PHEX: variants seen among roughly 807,000 people sequenced by gnomAD.
PHEX encodes phosphate regulating endopeptidase X-linked.
In PHEX, 16 loss-of-function variants were observed where a neutral mutation model predicts 68.0. That is an observed-to-expected ratio of 0.24 (90% CI 0.16 to 0.36). The LOEUF is 0.36. Ranked by LOEUF, PHEX falls within the 10% of genes least tolerant of loss-of-function variation. PHEX has a pLI of 1.00. For synonymous variants in PHEX, 208 were observed against 205.1 expected (o/e 1.01, Z -0.12); for missense variants, 480 against 575.5 (o/e 0.83, Z 1.70).
rs756827352 is a variant in PHEX, at chrX:22,170,071, G to A, written c.1482+1682G>A. 8.9e-5 allele frequency among the ~76,000 whole-genome samples: 10 copies of A among 112,038 alleles called. No individual in the cohort carries two copies. In the East Asian group the frequency reaches 2.0e-3, roughly 22 times the overall value. ...ATCCTTAATAGAAATAGACTCAAGC[G>A]TGAATTTCTACCAATTTTGGAAATA... is the stretch of plus-strand genomic sequence containing the variant. On this transcript the variant is annotated intron_variant, in intron 13 of 21. Coordinates refer to ENST00000379374, the MANE Select transcript of PHEX (RefSeq NM_000444.6).
At chrX:22,200,517 G>A (rs1382255913) in intron 15 of PHEX, among the ~76,000 whole-genome samples, 2 of 111,282 alleles carry the variant, frequency 1.8e-5, no homozygotes, top group South Asian at 3.8e-4. Flanking sequence ...GCTGAGGCAC[G>A]AGAATCACTT....
rs182682045 is a variant in PHEX, at chrX:22,152,172, G to A, written c.1405-16140G>A. Among the ~76,000 whole-genome samples the A allele has an allele frequency of 2.8e-4, 31 of 111,456 alleles. 1 individual carries two copies. Among genetic ancestry groups the A allele is most frequent in the African/African-American group, 9.8e-4 (30 of 30,759 alleles). On this transcript the variant is annotated intron_variant, in intron 12 of 21. Coordinates refer to ENST00000379374, the MANE Select transcript of PHEX (RefSeq NM_000444.6). ...TGAGAAGTTGGTTTTGGCCCTCATT[G>A]CCTGTGTAGACTTGGGGTGAGTTGC... is the stretch of plus-strand genomic sequence containing the variant.
intron 8 of PHEX, 37 bp downstream of exon 8, chrX:22,097,075 C>A: frequency 2.1e-6 from 2 of 953,998 alleles, no homozygotes; most frequent in Non-Finnish European, 1.5e-6. Flanking sequence ...TCTCTCAACT[C>A]ATCATTTTAG....
chrX:22,190,296 A>G (rs770666775), intron 14 of PHEX, 148 bp from the exon 15 acceptor site: 40 of 554,544 alleles, frequency 7.2e-5, no homozygotes, highest in Non-Finnish European at 1.3e-4. Flanking sequence ...CAGTAGCCCC[A>G]AACTGAGGGA....
chrX:22,227,477 G>C (rs1209838926), intron 19 of PHEX, 30 bp from the exon 20 acceptor site: 1 of 1,030,347 alleles, frequency 9.7e-7, no homozygotes, highest in African/African-American at 1.9e-5. Context: ...CACCGTTGCA[G>C]AGACTCATCT....
intron 7 of PHEX, among the ~76,000 whole-genome samples, chrX:22,095,526 G>T (rs1390414600): frequency 2.7e-5 from 3 of 112,397 alleles, no homozygotes; most frequent in African/African-American, 9.7e-5. Context: ...TGAGGCCAAA[G>T]GGCTCCAACT....
chrX:22,116,442 G>A (rs1018376445), intron 11 of PHEX, among the ~76,000 whole-genome samples: 1 of 111,535 alleles, frequency 9.0e-6, no homozygotes, highest in Admixed American at 9.6e-5. Flanking sequence ...ATAATAATCC[G>A]TGTAGTCAAT....
At chrX:22,210,254 A>G (rs756728352) in intron 15 of PHEX, among the ~76,000 whole-genome samples, 15 of 112,077 alleles carry the variant, frequency 1.3e-4, no homozygotes, top group Non-Finnish European at 2.3e-4. Flanking sequence ...CTTGGCCCCA[A>G]CAAGCTCAGC....
At chrX:22,041,259 CTCTCTCTATA>C (rs1446770282) in intron 2 of PHEX, among the ~76,000 whole-genome samples, 1 of 65,735 alleles carries the variant, frequency 1.5e-5, no homozygotes, top group African/African-American at 7.1e-5. Context: ...CTCTCTCTCT[CTCTCTCTATA>C]TATATATATA....
Position 22,114,466 on chromosome X carries a change from G to A in PHEX, c.1182G>A (p.Gln394=), listed in dbSNP as rs774598902. The change falls in exon 11 of 22, where the codon CAG becomes CAA. Residue 394 remains glutamine (Q), a synonymous_variant. Transcript: ENST00000379374. Reference sequence around the variant, plus strand: ...TCAATTATCTCCCACAGGTAATCCAGGGGACCACAACTTTGCTGCCTCAAT... The same window carrying A: ...TCAATTATCTCCCACAGGTAATCCAAGGGACCACAACTTTGCTGCCTCAAT... ...YRWLEFSRVI[Q]GTTTLLPQWD... 8.3e-7 allele frequency: 1 copy of A among 1,204,198 alleles called. No individual in the cohort carries two copies. Among genetic ancestry groups the A allele is most frequent in the Non-Finnish European group, 1.1e-6 (1 of 888,785 alleles).
intron 20 of PHEX, among the ~76,000 whole-genome samples, chrX:22,233,168 A>C (rs1935828469): frequency 8.9e-6 from 1 of 112,222 alleles, no homozygotes; most frequent in Non-Finnish European, 1.9e-5. Flanking sequence ...GTGCTGAGAG[A>C]GATCCACTGT....
chrX:22,182,922 T>G (rs1933923247), intron 14 of PHEX, among the ~76,000 whole-genome samples: 1 of 112,097 alleles, frequency 8.9e-6, no homozygotes, highest in African/African-American at 3.2e-5. Flanking sequence ...AATATTAAAT[T>G]TTGTTTAATT....
At chrX:22,179,510 C>T (rs1172468087) in intron 14 of PHEX, among the ~76,000 whole-genome samples, 2 of 106,173 alleles carry the variant, frequency 1.9e-5, no homozygotes, top group Non-Finnish European at 3.9e-5. Context: ...TCTCTAAAGT[C>T]CACTGTATCA....
intron 15 of PHEX, among the ~76,000 whole-genome samples, chrX:22,206,183 T>C (rs1166605379): frequency 8.9e-6 from 1 of 112,279 alleles, no homozygotes; most frequent in Non-Finnish European, 1.9e-5. Context: ...ACTTGAATAA[T>C]GGGATGTATC....
intron 5 of PHEX, among the ~76,000 whole-genome samples, chrX:22,081,431 C>T (rs186019147): frequency 1.8e-5 from 2 of 111,710 alleles, no homozygotes; most frequent in East Asian, 5.7e-4. Context: ...GGAGAAATCC[C>T]TCTTACCTGA....
chrX:22,075,076 C>A (rs866802815), intron 3 of PHEX, among the ~76,000 whole-genome samples: 208 of 89,253 alleles, frequency 2.3e-3, no homozygotes, highest in Admixed American at 2.7e-3. Flanking sequence ...TACTCTGTTT[C>A]AAAAAAAAAA....
At chrX:22,216,110 G>C (rs150632711) in intron 16 of PHEX, among the ~76,000 whole-genome samples, 1 of 111,502 alleles carries the variant, frequency 9.0e-6, no homozygotes, top group Non-Finnish European at 1.9e-5. Flanking sequence ...ACCCAAGCAG[G>C]GTATTATAAC....
At chrX:22,173,461 T>C in intron 13 of PHEX, among the ~76,000 whole-genome samples, 1 of 111,464 alleles carries the variant, frequency 9.0e-6, no homozygotes, top group Non-Finnish European at 1.9e-5. Context: ...ACACTGTATA[T>C]GTGGATTATT....
chrX:22,248,112 T>C lies in PHEX; in HGVS notation c.*159T>C. 2.1e-6 allele frequency: 1 copy of C among 480,706 alleles called. No individual in the cohort carries two copies. The highest frequency in any genetic ancestry group is 3.7e-6 in the Non-Finnish European group (1 of 269,189). 39.6% of individuals were successfully genotyped at this position (480,706 alleles called of 1,213,427 possible). A position where few individuals can be genotyped will look rare whatever the true frequency, so the allele number is the denominator to read the frequency against. ...CTGCTTGGATCTAGACAGCATCTGT[T>C]CAAAGTTGTAGGGCTTATAAAGTGG... On this transcript the variant is annotated 3_prime_UTR_variant, in exon 22 of 22. Coordinates refer to ENST00000379374, the MANE Select transcript of PHEX (RefSeq NM_000444.6).
Sources: gnomAD v4.1 joint callset for allele counts (sites outside exome capture counted in the v4.1 genomes callset) on GRCh38, gnomAD v4.1.1 for gene constraint, MANE v1.5 for transcripts, NCBI Gene and HGNC (gene_info 2026-07-23, HGNC 2026-07-21) for gene names.